Variants in WDR19 observed in about 807,000 individuals in gnomAD.
WDR19 encodes the protein WD repeat domain 19, also known as WD repeat-containing protein 19.
In WDR19, 121 loss-of-function variants were observed where a neutral mutation model predicts 180.0. The ratio of observed to expected loss-of-function variants is 0.67; its 90% CI spans 0.58 to 0.78. The LOEUF is 0.78. Ranked by LOEUF, WDR19 falls within the 30% of genes least tolerant of loss-of-function variation. The probability of loss-of-function intolerance (pLI) is 0.00; values close to 1 mark genes in which losing one functional copy is unlikely to be tolerated. For missense variants in WDR19, 1,450 were observed against 1,640.7 expected, an observed-to-expected ratio of 0.88 and a Z score of 2.01; for synonymous variants, 497 against 540.7, an observed-to-expected ratio of 0.92 and a Z score of 1.12.
chr4:39,224,979 TG>T lies in WDR19; in HGVS notation c.1578del (p.Thr527ProfsTer3). ...TGAAAAAGATTTTTCCCGACCCAAA[TG>T]GGACCAGATTAGTTTTCATTGATGA... ...SVKKIFPDPN[G>X]TRLVFIDEKS... On this transcript the variant is annotated frameshift_variant, in exon 15 of 37. Transcript: ENST00000399820. LOFTEE classifies it high-confidence loss of function. 1 of 1,577,626 alleles carries T rather than the reference TG, an allele frequency of 6.3e-7. No homozygotes were observed. Among genetic ancestry groups the T allele is most frequent in the Non-Finnish European group, 8.6e-7 (1 of 1,160,844 alleles).
chr4:39,197,931 C>T (rs1225479234), intron 5 of WDR19, among the ~76,000 whole-genome samples: 1 of 152,136 alleles, frequency 6.6e-6, no homozygotes, highest in East Asian at 1.9e-4. Context: ...CTCAATCTCC[C>T]AGGCTCAAGG....
intron 36 of WDR19, among the ~76,000 whole-genome samples, chr4:39,282,341 T>C (rs1736622816): frequency 6.6e-6 from 1 of 152,328 alleles, no homozygotes; most frequent in South Asian, 2.1e-4. Flanking sequence ...TCTATGAATA[T>C]GGTATATCTC....
rs186424848 is a variant in WDR19 at position 39,213,096 on chromosome 4, A to G, written c.891-1505A>G. 2.6e-3 allele frequency among the ~76,000 whole-genome samples: 402 copies of G among 152,354 alleles called. 3 individuals carry two copies. Among genetic ancestry groups the G allele is most frequent in the Admixed American group, 5.7e-3 (88 of 15,308 alleles). On this transcript the variant is annotated intron_variant, in intron 9 of 36. Coordinates refer to ENST00000399820, the MANE Select transcript of WDR19 (RefSeq NM_025132.4). ...AATAGTGATAACACCAAATGTGGGT[A>G]AGGATGAGGAGAAACTGGATTACTC...
intron 14 of WDR19, among the ~76,000 whole-genome samples, chr4:39,222,613 T>C (rs979607500): frequency 6.6e-6 from 1 of 152,206 alleles, no homozygotes; most frequent in Non-Finnish European, 1.5e-5. Flanking sequence ...TTTTTGCAAA[T>C]GATATCCAGT....
rs765614115 is a variant in WDR19 at position 39,232,213 on chromosome 4, G to A, written c.2194G>A (p.Asp732Asn). ...LAGHLAMFTN[D>N]YNLAQDLYLA... ...AGGACACCTTGCCATGTTTACCAAC[G>A]ATTATAACCTGGCTCAGGACTTGTA... is the stretch of plus-strand genomic sequence containing the variant. Residue 732 changes from aspartate (D) to asparagine (N), a missense_variant, in exon 19 of 37, where the codon GAT becomes AAT. Physicochemically the swap from Asp to Asn is conservative, Grantham distance 23. Transcript: ENST00000399820. 16 of 1,613,500 alleles carry A rather than the reference G, an allele frequency of 9.9e-6. No homozygotes were observed. The highest frequency in any genetic ancestry group is 4.5e-5 in the East Asian group (2 of 44,862).
At chr4:39,209,248 C>A (rs1185158007) in intron 9 of WDR19, among the ~76,000 whole-genome samples, 3 of 152,110 alleles carry the variant, frequency 2.0e-5, no homozygotes, top group African/African-American at 7.2e-5. Flanking sequence ...CTAAATAATT[C>A]ATGGGTCCTA....
chr4:39,184,134 C>A (rs906860032), intron 1 of WDR19, among the ~76,000 whole-genome samples: 2 of 152,136 alleles, frequency 1.3e-5, no homozygotes, highest in African/African-American at 4.8e-5. Flanking sequence ...GGACAGGGTG[C>A]GGTGGCTCAC....
intron 10 of WDR19, among the ~76,000 whole-genome samples, 191 bp from the exon 11 acceptor site, chr4:39,215,650 G>A (rs528470216): frequency 6.6e-6 from 1 of 152,170 alleles, no homozygotes; most frequent in South Asian, 2.1e-4. Context: ...GAGCCACAGG[G>A]AATGAGCCAG....
intron 4 of WDR19, among the ~76,000 whole-genome samples, chr4:39,193,202 C>A (rs1473475992): frequency 6.7e-6 from 1 of 149,964 alleles, no homozygotes; most frequent in African/African-American, 2.5e-5. Flanking sequence ...CACTGTGTCG[C>A]CCAGGTTGGA....
intron 5 of WDR19, among the ~76,000 whole-genome samples, chr4:39,197,407 C>CT (rs1408038162): frequency 8.5e-6 from 1 of 118,150 alleles, no homozygotes; most frequent in East Asian, 2.3e-4. Context: ...GCCTGGGAAA[C>CT]AGAGCAAGAC....
chr4:39,260,596 C>T (rs1219820421), intron 28 of WDR19, among the ~76,000 whole-genome samples: 2 of 152,162 alleles, frequency 1.3e-5, no homozygotes, highest in Admixed American at 6.5e-5. Context: ...CTGCCTTGGC[C>T]TCCCAAAGTG....
Position 39,218,039 on chromosome 4 carries a change from A to G in WDR19, c.1413A>G (p.Ala471=), listed in dbSNP as rs1251599860. The G allele has an allele frequency of 6.2e-7, 1 of 1,614,004 alleles. No homozygotes were observed. Among genetic ancestry groups the G allele is most frequent in the Non-Finnish European group, 8.5e-7 (1 of 1,179,876 alleles). ...QEERETRLFP[A]VDDKCRILCH... ...AACGTGAGACTCGGCTTTTCCCAGC[A>G]GTGGATGATAAGTGCCGTATCTTAT... The change falls in exon 14 of 37, where the codon GCA becomes GCG. Residue 471 remains alanine, a synonymous_variant. Transcript: ENST00000399820.
intron 20 of WDR19, among the ~76,000 whole-genome samples, chr4:39,236,781 G>C (rs28446975): frequency 0.065 from 9,948 of 152,082 alleles, 1,099 homozygotes; most frequent in African/African-American, 0.23. Flanking sequence ...AATCTCTCTT[G>C]CCTTTGGAAA....
intron 23 of WDR19, 110 bp from the exon 24 acceptor site, chr4:39,245,259 A>G: frequency 1.1e-6 from 1 of 880,800 alleles, no homozygotes; most frequent in South Asian, 2.2e-5. Context: ...AGATTTTTGA[A>G]AGATAGTAAT....
At chr4:39,197,665 T>A (rs1420833496) in intron 5 of WDR19, among the ~76,000 whole-genome samples, 1 of 151,676 alleles carries the variant, frequency 6.6e-6, no homozygotes, top group Non-Finnish European at 1.5e-5. Flanking sequence ...AAAAAAAAAA[T>A]ATATAGTTTT....
intron 5 of WDR19, 85 bp from the exon 6 acceptor site, chr4:39,199,393 A>G: frequency 1.0e-6 from 1 of 968,988 alleles, no homozygotes; most frequent in Non-Finnish European, 1.6e-6. Flanking sequence ...TTGTCTGTTT[A>G]ATTTCTTGCT....
At chr4:39,240,436 G>C (rs760556130) in intron 21 of WDR19, 102 bp downstream of exon 21, 7 of 594,714 alleles carry the variant, frequency 1.2e-5, no homozygotes, top group Non-Finnish European at 1.7e-5. Flanking sequence ...TTAATATCTA[G>C]CAGGTGAGTG....
At chr4:39,208,392 C>T (rs1278232471) in intron 9 of WDR19, among the ~76,000 whole-genome samples, 4 of 150,692 alleles carry the variant, frequency 2.7e-5, no homozygotes, top group African/African-American at 9.8e-5. Context: ...CTGCAACCTC[C>T]GCCTCCCAAG....
chr4:39,284,660 A>AG (rs1186955842), intron 36 of WDR19, among the ~76,000 whole-genome samples: 1 of 151,648 alleles, frequency 6.6e-6, no homozygotes, highest in Non-Finnish European at 1.5e-5. Context: ...AAAAAAAAAA[A>AG]AAAAAAATTC....
Sources: gnomAD v4.1 joint callset for allele counts (sites outside exome capture counted in the v4.1 genomes callset) on GRCh38, gnomAD v4.1.1 for gene constraint, MANE v1.5 for transcripts, NCBI Gene and HGNC (gene_info 2026-07-23, HGNC 2026-07-21) for gene names.